The following DAB1 variants were observed in gnomAD, a reference collection of about 807,000 sequenced individuals.
DAB1 encodes the protein DAB adaptor protein 1.
A neutral mutation model predicts 64.6 loss-of-function variants in DAB1; 15 were observed. That is an observed-to-expected ratio of 0.23 (90% CI 0.16 to 0.36). DAB1 has a LOEUF of 0.36. Among genes scored for constraint, DAB1 ranks in the 10% least tolerant of loss-of-function variants. The probability of loss-of-function intolerance (pLI) is 1.00; values close to 1 mark genes in which losing one functional copy is unlikely to be tolerated. For missense variants in DAB1, 596 were observed against 706.7 expected (o/e 0.84, Z 1.78); for synonymous variants, 235 against 251.9 (o/e 0.93, Z 0.64).
At chr1:57,069,259 G>T in intron 8 of DAB1, 101 bp downstream of exon 8, 1 of 986,324 alleles carries the variant, frequency 1.0e-6, no homozygotes, top group Non-Finnish European at 1.6e-6. Flanking sequence ...ATTTTAACAA[G>T]CCAGGAATGA....
chr1:57,089,667 C>T (rs577227614), intron 4 of DAB1, among the ~76,000 whole-genome samples: 13 of 152,158 alleles, frequency 8.5e-5, no homozygotes, highest in African/African-American at 2.9e-4. Flanking sequence ...ATGCGGGATC[C>T]GTCCCCGTGA....
intron 5 of DAB1, among the ~76,000 whole-genome samples, chr1:58,087,939 C>T (rs1163770184): frequency 6.6e-6 from 1 of 152,174 alleles, no homozygotes; most frequent in African/African-American, 2.4e-5. Context: ...AGTATAGTTC[C>T]TGACTTCCTG....
intron 2 of DAB1, among the ~76,000 whole-genome samples, chr1:57,166,681 G>C (rs145493660): frequency 1.3e-5 from 2 of 152,180 alleles, no homozygotes; most frequent in Admixed American, 6.5e-5. Context: ...AGTGTGAGGA[G>C]ATGAGAGGAC....
chr1:57,004,427 A>C (rs1404923808), intron 14 of DAB1, among the ~76,000 whole-genome samples: 8 of 152,254 alleles, frequency 5.3e-5, no homozygotes, highest in African/African-American at 1.2e-4. Context: ...AAGACACTGC[A>C]TGCTGACAAA....
chr1:57,967,042 C>T (rs569521521), intron 5 of DAB1, among the ~76,000 whole-genome samples: 113 of 152,274 alleles, frequency 7.4e-4, no homozygotes, highest in African/African-American at 2.6e-3. Flanking sequence ...TGAAGGTGCA[C>T]GTGTGCACAT....
intron 2 of DAB1, among the ~76,000 whole-genome samples, chr1:57,194,043 A>G (rs1664404484): frequency 6.6e-6 from 1 of 152,222 alleles, no homozygotes; most frequent in East Asian, 1.9e-4. Context: ...TGTTCAAATC[A>G]ATGTTTGTCC....
intron 7 of DAB1, among the ~76,000 whole-genome samples, chr1:57,559,869 A>C (rs1645031471): frequency 6.6e-6 from 1 of 152,218 alleles, no homozygotes; most frequent in South Asian, 2.1e-4. Context: ...AGGGATTGCG[A>C]AGATTAGTGC....
chr1:58,448,688 C>T (rs1353300517), intron 3 of DAB1, among the ~76,000 whole-genome samples: 1 of 152,176 alleles, frequency 6.6e-6, no homozygotes, highest in Non-Finnish European at 1.5e-5. Context: ...GGGACACAAG[C>T]ACAAGAGATG....
intron 4 of DAB1, among the ~76,000 whole-genome samples, chr1:58,252,511 AG>A (rs1278340983): frequency 6.6e-6 from 1 of 152,182 alleles, no homozygotes; most frequent in African/African-American, 2.4e-5. Flanking sequence ...ATGGCAAGAA[AG>A]GGAAACAGAC....
chr1:58,055,721 T>G (rs1648014832), intron 5 of DAB1, among the ~76,000 whole-genome samples: 1 of 152,052 alleles, frequency 6.6e-6, no homozygotes, highest in African/African-American at 2.4e-5. Flanking sequence ...TCACAGGCCT[T>G]CAAGAAAGGG....
intron 2 of DAB1, among the ~76,000 whole-genome samples, chr1:57,174,710 T>C (rs1454068744): frequency 6.6e-6 from 1 of 152,176 alleles, no homozygotes; most frequent in African/African-American, 2.4e-5. Flanking sequence ...CCCACTCTTC[T>C]TTCTCACTAT....
intron 7 of DAB1, among the ~76,000 whole-genome samples, chr1:57,614,394 C>A (rs1001278418): frequency 7.2e-5 from 11 of 152,094 alleles, no homozygotes; most frequent in Admixed American, 7.2e-4. Flanking sequence ...CTTGGAGGAG[C>A]TTTTAGAAAC....
chr1:57,687,599 C>CAAAAAAAAAAAAAAAAA (rs57316234), intron 6 of DAB1, among the ~76,000 whole-genome samples: 39 of 82,406 alleles, frequency 4.7e-4, no homozygotes, highest in African/African-American at 7.4e-4. Context: ...TCTTAAGAAA[C>CAAAAAAAAAAAAAAAAA]AAAAAAAAAA....
intron 6 of DAB1, among the ~76,000 whole-genome samples, chr1:57,735,557 G>T (rs1647644435): frequency 6.8e-6 from 1 of 148,076 alleles, no homozygotes; most frequent in Admixed American, 6.7e-5. Flanking sequence ...GGAGACAAAA[G>T]AGTGAATCCA....
In DAB1 at chr1:58,334,598, T is replaced by C. The variant is rs1051344008; in HGVS notation, n.309+8754A>G. 1.5e-4 allele frequency among the ~76,000 whole-genome samples: 19 copies of C among 125,742 alleles called. No individual in the cohort carries two copies. In the Admixed American group the frequency reaches 1.7e-3, roughly 11 times the overall value. The allele number at this position is 125,742 out of a possible 152,430, so 82.5% of individuals were successfully genotyped here. On this transcript the variant is annotated intron_variant and non_coding_transcript_variant, in intron 4 of 20. Coordinates refer to the DAB1 transcript ENST00000485760. ...CCTTTGAGCTATTTATCTTATATTA[T>C]ATTACATTATATTATATTATATTAT...
intron 7 of DAB1, among the ~76,000 whole-genome samples, chr1:57,590,779 CA>C (rs1480425877): frequency 2.7e-4 from 39 of 143,930 alleles, no homozygotes; most frequent in Middle Eastern, 3.6e-3. Flanking sequence ...CACACACACA[CA>C]CACCCCACTC....
At chr1:58,356,948 C>T (rs1398044248) in intron 3 of DAB1, among the ~76,000 whole-genome samples, 1 of 149,698 alleles carries the variant, frequency 6.7e-6, no homozygotes, top group African/African-American at 2.5e-5. Context: ...TTGCTTTGTG[C>T]CCAGGGAGTT....
intron 6 of DAB1, among the ~76,000 whole-genome samples, chr1:57,792,535 C>A (rs1273020847): frequency 6.6e-6 from 1 of 152,146 alleles, no homozygotes; most frequent in Non-Finnish European, 1.5e-5. Flanking sequence ...CAGAAGCTAC[C>A]AAGGAGCAAC....
intron 2 of DAB1, among the ~76,000 whole-genome samples, chr1:57,159,307 G>T (rs1456855406): frequency 6.6e-6 from 1 of 152,054 alleles, no homozygotes; most frequent in African/African-American, 2.4e-5. Context: ...AAAACCCTTA[G>T]ACTATCTCCT....
Sources: allele counts gnomAD v4.1 joint callset (sites outside exome capture counted in the v4.1 genomes callset), GRCh38; gene constraint gnomAD v4.1.1; transcripts MANE v1.5; gene names NCBI Gene and HGNC (gene_info 2026-07-23, HGNC 2026-07-21).